LPGAT1: variants seen among roughly 807,000 people sequenced by gnomAD.
LPGAT1 encodes the protein lysophosphatidylglycerol acyltransferase 1.
Under a neutral mutation model 47.5 loss-of-function variants are expected in LPGAT1, and 11 were observed. The observed-to-expected ratio is 0.23, with a 90% CI of 0.15 to 0.38. The LOEUF is 0.38. LPGAT1 is among the 10% of genes least tolerant of loss of function. The pLI is 1.00. For synonymous variants in LPGAT1, 138 were observed against 144.2 expected (o/e 0.96, Z 0.31); for missense variants, 293 against 439.0 (o/e 0.67, Z 2.97).
chr1:211,817,261 C>T (rs1442583241), intron 2 of LPGAT1, among the ~76,000 whole-genome samples: 2 of 152,132 alleles, frequency 1.3e-5, no homozygotes, highest in Admixed American at 6.5e-5. Flanking sequence ...CAGTTCATAA[C>T]GAACTCAACT....
At chr1:211,777,989 G>A (rs1423892195) in intron 6 of LPGAT1, among the ~76,000 whole-genome samples, 1 of 152,142 alleles carries the variant, frequency 6.6e-6, no homozygotes, top group Non-Finnish European at 1.5e-5. Flanking sequence ...TCCCACCAGT[G>A]CCATCACAGT....
At chr1:211,790,968 CT>C (rs1276793650) in intron 3 of LPGAT1, among the ~76,000 whole-genome samples, 1 of 152,126 alleles carries the variant, frequency 6.6e-6, no homozygotes, top group East Asian at 1.9e-4. Flanking sequence ...TGGAGATTCT[CT>C]TTTATAGAAA....
At chr1:211,784,966 G>A (rs1658809180) in intron 4 of LPGAT1, among the ~76,000 whole-genome samples, 1 of 151,946 alleles carries the variant, frequency 6.6e-6, no homozygotes, top group South Asian at 2.1e-4. Flanking sequence ...ACCACACCCG[G>A]CTAATTTTTT....
At chr1:211,817,369 C>G (rs985781852) in intron 2 of LPGAT1, among the ~76,000 whole-genome samples, 1 of 152,084 alleles carries the variant, frequency 6.6e-6, no homozygotes, top group Admixed American at 6.6e-5. Context: ...GTCCGGAGTT[C>G]GAGACCAGCC....
intron 6 of LPGAT1, among the ~76,000 whole-genome samples, chr1:211,771,960 C>G (rs1008075277): frequency 6.6e-6 from 1 of 151,844 alleles, no homozygotes; most frequent in Non-Finnish European, 1.5e-5. Flanking sequence ...TTAGAGAAAC[C>G]CTGTTTCACT....
intron 6 of LPGAT1, among the ~76,000 whole-genome samples, chr1:211,769,140 G>A (rs1051109285): frequency 6.6e-6 from 1 of 152,104 alleles, no homozygotes; most frequent in African/African-American, 2.4e-5. Context: ...ATTCTCCAGC[G>A]GACAAAGGTA....
At chr1:211,822,928 T>C (rs989167746) in intron 2 of LPGAT1, among the ~76,000 whole-genome samples, 1 of 152,226 alleles carries the variant, frequency 6.6e-6, no homozygotes, top group South Asian at 2.1e-4. Flanking sequence ...TTAGATTTTA[T>C]GAAATGTCCA....
At position 211,747,931 on chromosome 1, in the gene LPGAT1, A is replaced by T. The variant is rs1386991670; in HGVS notation, c.*1968T>A. The T allele has an allele frequency of 1.3e-5, 2 of 152,634 alleles. No individual in the cohort carries two copies. Among genetic ancestry groups the T allele is most frequent in the South Asian group, 4.1e-4 (2 of 4,834 alleles). 9.5% of individuals were successfully genotyped at this position (152,634 alleles called of 1,614,324 possible). ...ACACTGTCTTCTGCATTTTACCAGT[A>T]GTAGTATAATATTCAATGAGGTATT... On this transcript the variant is annotated 3_prime_UTR_variant, in exon 8 of 8. Transcript: ENST00000366997.
At chr1:211,819,221 C>A (rs1474066932) in intron 2 of LPGAT1, among the ~76,000 whole-genome samples, 1 of 152,100 alleles carries the variant, frequency 6.6e-6, no homozygotes, top group Non-Finnish European at 1.5e-5. Context: ...AGGCCGGGTG[C>A]GGTGGCTCAT....
At chr1:211,778,890 ATAC>A in intron 6 of LPGAT1, 25 bp downstream of exon 6, 5 of 1,538,666 alleles carry the variant, frequency 3.2e-6, no homozygotes, top group Non-Finnish European at 4.4e-6. Flanking sequence ...TGTTGGATAT[ATAC>A]TGAGTACTAA....
intron 2 of LPGAT1, among the ~76,000 whole-genome samples, chr1:211,795,151 G>A (rs1361649906): frequency 1.3e-5 from 2 of 152,120 alleles, no homozygotes; most frequent in Non-Finnish European, 2.9e-5. Flanking sequence ...AGACTGAACT[G>A]TACACTTGAA....
At chr1:211,779,427 T>C (rs952156298) in intron 5 of LPGAT1, among the ~76,000 whole-genome samples, 3 of 151,260 alleles carry the variant, frequency 2.0e-5, no homozygotes, top group Non-Finnish European at 4.4e-5. Flanking sequence ...AACAAAATCA[T>C]TCACTAAATA....
intron 2 of LPGAT1, chr1:211,803,102 A>G (rs994456568): frequency 1.8e-4 from 27 of 151,412 alleles, no homozygotes; most frequent in Admixed American, 1.3e-3. Flanking sequence ...TGACCTGGGG[A>G]AAAAAAAAGA....
intron 6 of LPGAT1, among the ~76,000 whole-genome samples, chr1:211,768,820 A>G (rs1258831324): frequency 2.0e-5 from 3 of 152,204 alleles, no homozygotes; most frequent in Non-Finnish European, 4.4e-5. Flanking sequence ...GGGTGGTAAG[A>G]GGACATTTGA....
intron 3 of LPGAT1, among the ~76,000 whole-genome samples, chr1:211,788,637 G>C (rs987242022): frequency 2.6e-5 from 4 of 151,252 alleles, no homozygotes; most frequent in Non-Finnish European, 1.5e-5. Flanking sequence ...AGCCAAGATC[G>C]AGCCGCTGCA....
chr1:211,760,863 C>T (rs967202901), intron 6 of LPGAT1, among the ~76,000 whole-genome samples: 1 of 152,144 alleles, frequency 6.6e-6, no homozygotes, highest in Admixed American at 6.5e-5. Context: ...TTTAAATGTC[C>T]TTAAATGTTT....
At chr1:211,787,326 C>A (rs1658920497) in intron 4 of LPGAT1, among the ~76,000 whole-genome samples, 1 of 151,842 alleles carries the variant, frequency 6.6e-6, no homozygotes. Flanking sequence ...CCCATCTCTA[C>A]TAAAAATACA....
Position 211,749,507 on chromosome 1 carries a change from C to T in LPGAT1, c.*392G>A. 1 of 202,998 alleles carries T rather than the reference C, an allele frequency of 4.9e-6. No homozygotes were observed. The highest frequency in any genetic ancestry group is 9.8e-6 in the Non-Finnish European group (1 of 102,560). 12.6% of individuals were successfully genotyped at this position (202,998 alleles called of 1,614,324 possible). A position where few individuals can be genotyped will look rare whatever the true frequency, so the allele number is the denominator to read the frequency against. ...GAAATGTGGGCGTTCTAGAGAACTGCCCTAATATAGACTACAGCTAAGAGG... is the reference window on the plus strand; with the variant it reads ...GAAATGTGGGCGTTCTAGAGAACTGTCCTAATATAGACTACAGCTAAGAGG... On this transcript the variant is annotated 3_prime_UTR_variant, in exon 8 of 8. Coordinates refer to ENST00000366997, the MANE Select transcript of LPGAT1 (RefSeq NM_014873.3).
intron 6 of LPGAT1, among the ~76,000 whole-genome samples, chr1:211,770,992 G>A (rs186315246): frequency 6.9e-4 from 105 of 151,968 alleles, no homozygotes; most frequent in African/African-American, 2.5e-3. Context: ...AGCTACCCGA[G>A]AGGCTGAGGT....
Sources: allele counts gnomAD v4.1 joint callset (sites outside exome capture counted in the v4.1 genomes callset), GRCh38; gene constraint gnomAD v4.1.1; transcripts MANE v1.5; gene names NCBI Gene and HGNC (gene_info 2026-07-23, HGNC 2026-07-21).